Variants in INPP4B observed in about 807,000 individuals in gnomAD.
The protein encoded by INPP4B is inositol polyphosphate-4-phosphatase type II B.
Under a neutral mutation model 122.5 loss-of-function variants are expected in INPP4B, and 55 were observed. The ratio of observed to expected loss-of-function variants is 0.45; its 90% CI spans 0.36 to 0.56. The LOEUF is 0.56. Ranked by LOEUF, INPP4B falls within the 20% of genes least tolerant of loss-of-function variation. The probability of loss-of-function intolerance (pLI) is 0.00; values close to 1 mark genes in which losing one functional copy is unlikely to be tolerated. For synonymous variants in INPP4B, 403 were observed against 388.7 expected (o/e 1.04, Z -0.43); for missense variants, 1,000 against 1,097.7 (o/e 0.91, Z 1.26).
chr4:142,786,917 A>G (rs931559402), intron 1 of INPP4B, among the ~76,000 whole-genome samples: 1 of 152,156 alleles, frequency 6.6e-6, no homozygotes, highest in African/African-American at 2.4e-5. Flanking sequence ...ACAAGTAAAT[A>G]TAATGTGGTA....
chr4:142,238,763 A>G (rs1249223494), intron 11 of INPP4B, among the ~76,000 whole-genome samples: 1 of 152,138 alleles, frequency 6.6e-6, no homozygotes. Context: ...AAAAGCATAT[A>G]GGATTAGATA....
intron 22 of INPP4B, among the ~76,000 whole-genome samples, chr4:142,112,257 C>T (rs1056885439): frequency 6.6e-6 from 1 of 152,118 alleles, no homozygotes; most frequent in African/African-American, 2.4e-5. Flanking sequence ...ATTTAATATA[C>T]ACATAGGTAT....
At position 142,072,190 on chromosome 4, in the gene INPP4B, C is replaced by A. The variant is rs181752492; in HGVS notation, c.2642+9841G>T. ...GATGAGTTCATGTCCTTTGTAGGGA[C>A]ATGGATGAAGCTGGAAACCATCATT... On this transcript the variant is annotated intron_variant, in intron 25 of 25. Transcript: ENST00000262992. Among the ~76,000 whole-genome samples, 3 of 152,214 alleles carry A rather than the reference C, an allele frequency of 2.0e-5. No homozygotes were observed. In the East Asian group the frequency reaches 5.8e-4, roughly 30 times the overall value.
chr4:142,620,183 A>G (rs1004311762), intron 2 of INPP4B, among the ~76,000 whole-genome samples: 1 of 151,972 alleles, frequency 6.6e-6, no homozygotes, highest in Non-Finnish European at 1.5e-5. Context: ...AAGTAGCTCT[A>G]CCATAAAAAC....
At chr4:142,402,311 A>ATTTTAAGAGG (rs1177362857) in intron 7 of INPP4B, among the ~76,000 whole-genome samples, 1 of 152,212 alleles carries the variant, frequency 6.6e-6, no homozygotes, top group Non-Finnish European at 1.5e-5. Context: ...CTGTCCAAGA[A>ATTTTAAGAGG]TTTTAAGAGT....
At chr4:142,114,042 T>A (rs1791640620) in intron 21 of INPP4B, among the ~76,000 whole-genome samples, 1 of 152,074 alleles carries the variant, frequency 6.6e-6, no homozygotes, top group Admixed American at 6.6e-5. Flanking sequence ...TCTGCATATA[T>A]CCTATGAATT....
At chr4:142,799,883 T>A (rs17016777) in intron 1 of INPP4B, among the ~76,000 whole-genome samples, 50,489 of 151,788 alleles carry the variant, frequency 0.33, 8,590 homozygotes, top group South Asian at 0.43. Flanking sequence ...TAAGTATTTT[T>A]TGTTCTTCCA....
rs1737896167 is a variant in INPP4B at position 142,028,844 on chromosome 4, G to A, written c.2713C>T (p.Leu905=). Residue 905 remains leucine (L), a synonymous_variant, in exon 26 of 26, where the codon CTG becomes TTG. Transcript: ENST00000262992. ...CRKYAFNMLQ[L]MAFPKYYRPP... is the part of the protein sequence containing the mutation. ...CTGTAGTACTTGGGGAAAGCCATCA[G>A]CTGTAGCATGTTGAAAGCATACTTT... is the stretch of plus-strand genomic sequence containing the variant. The A allele has an allele frequency of 6.2e-7, 1 of 1,613,598 alleles. No homozygotes were observed.
Position 142,564,885 on chromosome 4 carries a change from T to C in INPP4B, c.-190-102159A>G, listed in dbSNP as rs187954759. Among the ~76,000 whole-genome samples the C allele has an allele frequency of 3.8e-3, 581 of 152,264 alleles. 6 individuals carry two copies. The highest frequency in any genetic ancestry group is 7.3e-3 in the Non-Finnish European group (497 of 68,024). ...GACTGATTTTTCTTAAATCAGTCTC[T>C]GGTATGGACAAAATATATAAGGTTA... is the stretch of plus-strand genomic sequence containing the variant. On this transcript the variant is annotated intron_variant, in intron 2 of 25. Transcript: ENST00000262992.
chr4:142,568,082 C>T (rs1732020626), intron 2 of INPP4B, among the ~76,000 whole-genome samples: 1 of 152,114 alleles, frequency 6.6e-6, no homozygotes, highest in South Asian at 2.1e-4. Context: ...AACCTTTCCC[C>T]TCTGCATTCT....
intron 18 of INPP4B, among the ~76,000 whole-genome samples, chr4:142,137,749 A>G (rs1462365369): frequency 1.3e-5 from 2 of 151,070 alleles, no homozygotes; most frequent in Non-Finnish European, 3.0e-5. Flanking sequence ...ACTTCTCAAA[A>G]GAAGACATTT....
At chr4:142,159,653 T>G (rs1240969308) in intron 17 of INPP4B, among the ~76,000 whole-genome samples, 1 of 152,020 alleles carries the variant, frequency 6.6e-6, no homozygotes, top group African/African-American at 2.4e-5. Context: ...AATATGCATA[T>G]ACTTTGGAGA....
At chr4:142,542,568 G>C (rs933959967) in intron 2 of INPP4B, among the ~76,000 whole-genome samples, 1 of 152,098 alleles carries the variant, frequency 6.6e-6, no homozygotes, top group African/African-American at 2.4e-5. Flanking sequence ...CAATTGCTTA[G>C]AATAGTATCT....
Position 142,403,980 on chromosome 4 carries a change from G to T in INPP4B, c.256-926C>A, listed in dbSNP as rs534486581. On this transcript the variant is annotated intron_variant, in intron 6 of 25. Transcript: ENST00000262992. Reference sequence around the variant, plus strand: ...TATGTGTATTTTATCACAATAAAATGAAAATTAAGAAAAAATCAAAATTAA... The same window carrying T: ...TATGTGTATTTTATCACAATAAAATTAAAATTAAGAAAAAATCAAAATTAA... Among the ~76,000 whole-genome samples, 10 of 152,044 alleles carry T rather than the reference G, an allele frequency of 6.6e-5. No homozygotes were observed. The South Asian group carries it at 2.1e-3, about 32-fold the overall frequency.
intron 22 of INPP4B, among the ~76,000 whole-genome samples, chr4:142,109,622 G>A (rs1788978563): frequency 6.6e-6 from 1 of 152,070 alleles, no homozygotes; most frequent in East Asian, 1.9e-4. Context: ...TTTCTTGATA[G>A]CTTGATTAAT....
intron 25 of INPP4B, among the ~76,000 whole-genome samples, chr4:142,079,272 A>C (rs558276954): frequency 1.1e-4 from 16 of 152,098 alleles, no homozygotes; most frequent in African/African-American, 3.6e-4. Context: ...CCCAACAGGT[A>C]GTTTCTCATC....
Position 142,210,507 on chromosome 4 carries a change from G to A in INPP4B, c.837-1481C>T, listed in dbSNP as rs1052457132. 2.6e-5 allele frequency among the ~76,000 whole-genome samples: 4 copies of A among 152,276 alleles called. No homozygotes were observed. In the East Asian group the frequency reaches 7.7e-4, roughly 29 times the overall value. ...CAAAGAGAAGGTAGAAGATTGGGGA[G>A]TTGAATTCTGTTTGCACTCAAATGG... On this transcript the variant is annotated intron_variant, in intron 12 of 25. Coordinates refer to ENST00000262992, the MANE Select transcript of INPP4B (RefSeq NM_001101669.3).
intron 2 of INPP4B, among the ~76,000 whole-genome samples, chr4:142,605,209 C>T (rs969751903): frequency 1.3e-5 from 2 of 151,954 alleles, no homozygotes; most frequent in Non-Finnish European, 2.9e-5. Flanking sequence ...TAACCATATG[C>T]AGAAAACTGA....
At chr4:142,673,235 T>TA (rs1328499671) in intron 2 of INPP4B, among the ~76,000 whole-genome samples, 1 of 152,168 alleles carries the variant, frequency 6.6e-6, no homozygotes, top group Non-Finnish European at 1.5e-5. Context: ...TTTCAGATTT[T>TA]AAAATCAATT....
Sources: allele counts gnomAD v4.1 joint callset (sites outside exome capture counted in the v4.1 genomes callset), GRCh38; gene constraint gnomAD v4.1.1; transcripts MANE v1.5; gene names NCBI Gene and HGNC (gene_info 2026-07-23, HGNC 2026-07-21).